THBS4: variants seen among roughly 807,000 people sequenced by gnomAD.
THBS4 encodes the protein thrombospondin-4.
In THBS4, 90 loss-of-function variants were observed where a neutral mutation model predicts 115.7. The observed-to-expected ratio is 0.78, with a 90% CI of 0.66 to 0.93. The LOEUF (loss-of-function observed/expected upper bound fraction) is 0.93. Ranked by LOEUF, THBS4 falls within the 40% of genes least tolerant of loss-of-function variation. The probability of loss-of-function intolerance (pLI) is 0.00; values close to 1 mark genes in which losing one functional copy is unlikely to be tolerated. For synonymous variants in THBS4, 460 were observed against 479.3 expected (o/e 0.96, Z 0.53); for missense variants, 1,087 against 1,232.7 (o/e 0.88, Z 1.77).
Position 80,070,782 on chromosome 5 carries a change from G to A in THBS4, c.1560+32G>A, listed in dbSNP as rs763146568. On this transcript the variant is annotated intron_variant, in intron 12 of 21. Coordinates refer to ENST00000350881, the MANE Select transcript of THBS4 (RefSeq NM_003248.6). ...GCTTCGCTGGGAGGGCCTGTGAATT[G>A]CCACGTACCAGGGATGATGGGAGAA... 6.9e-6 allele frequency: 11 copies of A among 1,605,600 alleles called. No individual in the cohort carries two copies. The Admixed American group carries it at 1.8e-4, about 27-fold the overall frequency.
chr5:80,079,874 G>A (rs1743400677), intron 19 of THBS4, 31 bp from the exon 20 acceptor site: 1 of 1,610,778 alleles, frequency 6.2e-7, no homozygotes, highest in Non-Finnish European at 8.5e-7. Context: ...CCTGTGTCCT[G>A]TCCTAAAACC....
In THBS4 at chr5:80,070,755, CT is replaced by C; in HGVS notation, c.1560+6del. 1 of 1,613,980 alleles carries C rather than the reference CT, an allele frequency of 6.2e-7. No homozygotes were observed. The highest frequency in any genetic ancestry group is 1.3e-5 in the African/African-American group (1 of 75,020). ...GATGGGATCCTGAATGAGCAGGTAC[CT>C]GCTTCGCTGGGAGGGCCTGTGAATT... On this transcript the variant is annotated splice_donor_region_variant and intron_variant, in intron 12 of 21. Coordinates refer to ENST00000350881, the MANE Select transcript of THBS4 (RefSeq NM_003248.6).
chr5:79,996,606 G>A (rs922503228), intron 1 of THBS4, among the ~76,000 whole-genome samples: 1 of 152,114 alleles, frequency 6.6e-6, no homozygotes, highest in Admixed American at 6.6e-5. Context: ...TTACCCAGAA[G>A]CATAAAAAGC....
intron 9 of THBS4, among the ~76,000 whole-genome samples, chr5:80,066,043 C>T (rs1454827889): frequency 6.8e-6 from 1 of 146,742 alleles, no homozygotes; most frequent in Non-Finnish European, 1.5e-5. Flanking sequence ...TGCAGTGAGC[C>T]GAGATCGCAC....
intron 2 of THBS4, among the ~76,000 whole-genome samples, chr5:80,013,954 G>A (rs1832198377): frequency 6.6e-6 from 1 of 152,186 alleles, no homozygotes; most frequent in Non-Finnish European, 1.5e-5. Flanking sequence ...ACTTGATCCA[G>A]TAACAAAACC....
chr5:80,076,336 A>C (rs1561327974), intron 15 of THBS4: 2 of 152,258 alleles, frequency 1.3e-5, no homozygotes, highest in Non-Finnish European at 2.9e-5. Flanking sequence ...CATATATTGA[A>C]ATTTAATATG....
rs577226397 is a variant in THBS4 at position 80,059,349 on chromosome 5, G to C, written c.733-91G>C. The C allele has an allele frequency of 3.6e-5, 39 of 1,097,082 alleles. 1 individual carries two copies. In the South Asian group the frequency reaches 5.9e-4, roughly 16 times the overall value. 68.0% of individuals were successfully genotyped at this position (1,097,082 alleles called of 1,614,324 possible). A position where few individuals can be genotyped will look rare whatever the true frequency, so the allele number is the denominator to read the frequency against. On this transcript the variant is annotated intron_variant, in intron 5 of 21. Coordinates refer to ENST00000350881, the MANE Select transcript of THBS4 (RefSeq NM_003248.6). The stretch of plus-strand genomic sequence containing the variant: ...TCTCAAAAAAAAAAAAAAAAAAAGT[G>C]TTACATAGATAGCTCCACATGGATT...
At chr5:79,993,554 A>T (rs1272104031) in intron 1 of THBS4, among the ~76,000 whole-genome samples, 1 of 152,208 alleles carries the variant, frequency 6.6e-6, no homozygotes, top group East Asian at 1.9e-4. Context: ...TTTGTGTGGG[A>T]TGGCCTGAAT....
intron 15 of THBS4, among the ~76,000 whole-genome samples, chr5:80,076,566 G>A (rs1561328106): frequency 6.6e-6 from 1 of 152,126 alleles, no homozygotes; most frequent in East Asian, 1.9e-4. Flanking sequence ...GTATCATCTA[G>A]CAGTTCCCAG....
intron 21 of THBS4, 38 bp from the exon 22 acceptor site, chr5:80,083,042 G>A: frequency 6.3e-7 from 1 of 1,595,548 alleles, no homozygotes; most frequent in Non-Finnish European, 8.6e-7. Context: ...GGGGTGGAAG[G>A]AGCCTCGCTA....
chr5:79,991,419 G>A (rs892009204), intron 1 of THBS4: 1 of 548,536 alleles, frequency 1.8e-6, no homozygotes, highest in Admixed American at 3.6e-5. Flanking sequence ...AAGGGTAAGA[G>A]TTGTGTGCCT....
chr5:79,993,062 A>G (rs1831718880), intron 1 of THBS4, among the ~76,000 whole-genome samples: 1 of 152,224 alleles, frequency 6.6e-6, no homozygotes, highest in South Asian at 2.1e-4. Context: ...CCTTGTTTGT[A>G]GCAGGACTGA....
chr5:80,033,162 C>A, upstream of THBS4: 2 of 409,872 alleles, frequency 4.9e-6, no homozygotes, highest in South Asian at 2.1e-5. Flanking sequence ...TGGCACCTGG[C>A]ATGATCAACT....
chr5:80,062,572 A>T (rs897304110), intron 8 of THBS4, among the ~76,000 whole-genome samples: 1 of 152,234 alleles, frequency 6.6e-6, no homozygotes, highest in African/African-American at 2.4e-5. Flanking sequence ...TCTAGGGTAC[A>T]TATGCACAAC....
intron 13 of THBS4, 156 bp from the exon 14 acceptor site, chr5:80,072,122 C>A: frequency 1.5e-6 from 1 of 680,936 alleles, no homozygotes; most frequent in Non-Finnish European, 2.7e-6. Flanking sequence ...TCCCAGAATC[C>A]GTCCTTTGAA....
Position 80,061,713 on chromosome 5 carries a change from T to C in THBS4, c.1006T>C (p.Tyr336His). Residue 336 changes from tyrosine (Y) to histidine (H), a missense_variant, in exon 8 of 22, where the codon TAC becomes CAC. By Grantham distance (83) the Tyr-to-His change is moderately conservative. Around this residue, in one of 3 missense-constraint regions of THBS4, gnomAD observed 979 missense variants for 1,103.7 expected, o/e 0.89. Coordinates refer to ENST00000350881, the MANE Select transcript of THBS4 (RefSeq NM_003248.6). ...DVDECKYHPC[Y>H]PGVHCINLSP... ...TCTCCAGTGCAAATACCATCCCTGC[T>C]ACCCGGGCGTGCACTGCATAAATTT... 6.2e-7 allele frequency: 1 copy of C among 1,613,610 alleles called. No individual in the cohort carries two copies. Among genetic ancestry groups the C allele is most frequent in the South Asian group, 1.1e-5 (1 of 91,032 alleles).
chr5:80,046,315 C>T (rs1833064243), intron 2 of THBS4, among the ~76,000 whole-genome samples: 1 of 152,204 alleles, frequency 6.6e-6, no homozygotes, highest in South Asian at 2.1e-4. Context: ...TATTCAGGAG[C>T]AGATGAATTA....
chr5:80,028,711 G>A (rs577532903), intron 2 of THBS4, among the ~76,000 whole-genome samples: 14 of 152,002 alleles, frequency 9.2e-5, no homozygotes, highest in Non-Finnish European at 2.1e-4. Context: ...CACCCATCTC[G>A]GCCTCCCAAA....
chr5:80,020,466 T>G (rs966552341), intron 2 of THBS4, among the ~76,000 whole-genome samples: 4 of 151,986 alleles, frequency 2.6e-5, no homozygotes, highest in Non-Finnish European at 5.9e-5. Flanking sequence ...AGAGCGAGAC[T>G]CCATCTCAAA....
Sources: allele counts gnomAD v4.1 joint callset (sites outside exome capture counted in the v4.1 genomes callset), GRCh38; gene constraint gnomAD v4.1.1; regional missense constraint gnomAD v4.1.1; transcripts MANE v1.5; gene names NCBI Gene and HGNC (gene_info 2026-07-23, HGNC 2026-07-21).